The following C16orf74 variants were observed in gnomAD, a reference collection of about 807,000 sequenced individuals.
The protein encoded by C16orf74 is uncharacterized protein C16orf74.
Under a neutral mutation model 6.5 loss-of-function variants are expected in C16orf74, and 10 were observed. The ratio of observed to expected loss-of-function variants is 1.54; its 90% CI spans 0.95 to 2.61. The LOEUF is 2.61. Ranked by LOEUF, C16orf74 falls within the 30% of genes most tolerant of loss-of-function variation. The pLI is 0.00. For synonymous variants in C16orf74, 60 were observed against 42.5 expected (o/e 1.41, Z -1.60); for missense variants, 141 against 105.9 (o/e 1.33, Z -1.45).
chr16:85,750,484 C>T (rs1034797938), intron 1 of C16orf74, among the ~76,000 whole-genome samples: 1 of 152,212 alleles, frequency 6.6e-6, no homozygotes, highest in Non-Finnish European at 1.5e-5. Context: ...TGAGGCAGTT[C>T]ATAAATAATA....
At chr16:85,716,487 G>A (rs571318956) in intron 2 of C16orf74, among the ~76,000 whole-genome samples, 1 of 137,604 alleles carries the variant, frequency 7.3e-6, no homozygotes, top group East Asian at 2.4e-4. Flanking sequence ...GGAGAGAGGG[G>A]ACGAAGGAGA....
chr16:85,711,623 C>CAAAAAAA lies in C16orf74; in HGVS notation c.29-1323_29-1317dup, dbSNP rs57336507. Among the ~76,000 whole-genome samples the CAAAAAAA allele has an allele frequency of 7.2e-5, 8 of 111,034 alleles. No individual in the cohort carries two copies. In the South Asian group the frequency reaches 2.5e-3, roughly 34 times the overall value. The allele number at this position is 111,034 out of a possible 152,430, so 72.8% of individuals were successfully genotyped here. On this transcript the variant is annotated intron_variant, in intron 2 of 3. Transcript: ENST00000284245. The stretch of plus-strand genomic sequence containing the variant: ...GGGCAACAAGAGTGAAACTCTGTCT[C>CAAAAAAA]AAAAAAAAAAAAAAAAAAAAAAATT...
intron 3 of C16orf74, among the ~76,000 whole-genome samples, chr16:85,709,880 C>T (rs181481474): frequency 9.9e-5 from 15 of 151,120 alleles, no homozygotes; most frequent in Non-Finnish European, 2.2e-4. Flanking sequence ...CTTGGCTGGC[C>T]GGAGCCGCGG....
intron 1 of C16orf74, 55 bp from the exon 2 acceptor site, chr16:85,735,290 C>A (rs2054232059): frequency 7.4e-7 from 1 of 1,353,406 alleles, no homozygotes; most frequent in African/African-American, 1.5e-5. Flanking sequence ...TTTGTATTGG[C>A]CACGTGCAGC....
At chr16:85,712,037 C>T (rs573954264) in intron 2 of C16orf74, among the ~76,000 whole-genome samples, 1 of 152,326 alleles carries the variant, frequency 6.6e-6, no homozygotes, top group South Asian at 2.1e-4. Flanking sequence ...TTGCAACTTC[C>T]TCCTTGCTCT....
chr16:85,729,994 G>A (rs10863187), intron 2 of C16orf74, among the ~76,000 whole-genome samples: 57,854 of 152,114 alleles, frequency 0.38, 12,893 homozygotes, highest in East Asian at 0.75. Context: ...CCAGCAGTGG[G>A]CAGATCCCAT....
chr16:85,737,400 T>C (rs182925481), intron 1 of C16orf74, among the ~76,000 whole-genome samples: 339 of 152,304 alleles, frequency 2.2e-3, no homozygotes, highest in African/African-American at 7.8e-3. Context: ...CCAGGAGCTT[T>C]ACAAAATACC....
chr16:85,714,285 C>A (rs975601566), intron 2 of C16orf74, among the ~76,000 whole-genome samples: 1 of 152,106 alleles, frequency 6.6e-6, no homozygotes, highest in Admixed American at 6.5e-5. Context: ...ATTCTCAAAC[C>A]CAGTGACGAG....
At chr16:85,722,563 G>T (rs556698084) in intron 2 of C16orf74, among the ~76,000 whole-genome samples, 1 of 152,210 alleles carries the variant, frequency 6.6e-6, no homozygotes. Flanking sequence ...TGAGCTCTCC[G>T]GGGAGTCCTG....
chr16:85,735,149 T>C, intron 2 of C16orf74, 41 bp downstream of exon 2: 1 of 1,582,454 alleles, frequency 6.3e-7, no homozygotes, highest in Non-Finnish European at 8.6e-7. Context: ...CAGCACCCCC[T>C]CTGCCATGAG....
chr16:85,744,638 G>T (rs898025176), intron 1 of C16orf74, among the ~76,000 whole-genome samples: 3 of 151,840 alleles, frequency 2.0e-5, no homozygotes, highest in Non-Finnish European at 4.4e-5. Context: ...AGACCATCCT[G>T]GCTAACACGG....
intron 2 of C16orf74, among the ~76,000 whole-genome samples, chr16:85,714,732 GC>G (rs901583329): frequency 1.3e-5 from 2 of 151,586 alleles, no homozygotes; most frequent in South Asian, 2.1e-4. Flanking sequence ...AAGACTCTTG[GC>G]CCCCGACTGC....
At chr16:85,735,634 C>G (rs1287782853) in intron 1 of C16orf74, among the ~76,000 whole-genome samples, 1 of 151,920 alleles carries the variant, frequency 6.6e-6, no homozygotes, top group African/African-American at 2.4e-5. Flanking sequence ...GCCAGCAGGG[C>G]TCGGGGGTGG....
intron 1 of C16orf74, among the ~76,000 whole-genome samples, chr16:85,748,396 G>A (rs929491918): frequency 3.3e-5 from 5 of 151,600 alleles, no homozygotes; most frequent in Admixed American, 6.6e-5. Context: ...TCAGGAGTTT[G>A]AGGCCAGCCT....
Position 85,717,951 on chromosome 16 carries a change from G to C in C16orf74, c.29-7644C>G, listed in dbSNP as rs559382124. Among the ~76,000 whole-genome samples the C allele has an allele frequency of 2.7e-3, 416 of 152,302 alleles. 2 individuals carry two copies. Among genetic ancestry groups the C allele is most frequent in the African/African-American group, 8.9e-3 (370 of 41,564 alleles). ...CTGTGGAGGATGCCCAGGTCCCTGGGGTCAGGGCACCATTCCCTGTGCCAG... is the reference window on the plus strand; with the variant it reads ...CTGTGGAGGATGCCCAGGTCCCTGGCGTCAGGGCACCATTCCCTGTGCCAG... On this transcript the variant is annotated intron_variant, in intron 2 of 3. Transcript: ENST00000284245.
chr16:85,714,316 C>A (rs971922031), intron 2 of C16orf74, among the ~76,000 whole-genome samples: 1 of 152,082 alleles, frequency 6.6e-6, no homozygotes, highest in Non-Finnish European at 1.5e-5. Flanking sequence ...TCACCCCAGG[C>A]ACTGCCCCAG....
At chr16:85,719,884 G>A (rs889894402) in intron 2 of C16orf74, among the ~76,000 whole-genome samples, 1 of 150,904 alleles carries the variant, frequency 6.6e-6, no homozygotes, top group African/African-American at 2.4e-5. Context: ...GAACAGAGGG[G>A]CCACAGGCCA....
chr16:85,738,152 G>A (rs1012002005), intron 1 of C16orf74, among the ~76,000 whole-genome samples: 2 of 151,672 alleles, frequency 1.3e-5, no homozygotes, highest in African/African-American at 2.4e-5. Context: ...GGCTGAGGTG[G>A]GAGGATCACT....
Position 85,735,778 on chromosome 16 carries a change from G to A in C16orf74, c.-18-543C>T, listed in dbSNP as rs970657962. 1.5e-4 allele frequency among the ~76,000 whole-genome samples: 23 copies of A among 151,466 alleles called. No homozygotes were observed. The East Asian group carries it at 4.5e-3, about 29-fold the overall frequency. On this transcript the variant is annotated intron_variant, in intron 1 of 3. Transcript: ENST00000284245. ...CCCCCAGCCCACGGGTATTAGAATT[G>A]TCCCAACCAGTGTTCTCATGATGTT...
Sources: allele counts gnomAD v4.1 joint callset (sites outside exome capture counted in the v4.1 genomes callset), GRCh38; gene constraint gnomAD v4.1.1; transcripts MANE v1.5; gene names NCBI Gene and HGNC (gene_info 2026-07-23, HGNC 2026-07-21).